ELF1: variants seen among roughly 807,000 people sequenced by gnomAD.
The protein encoded by ELF1 is E74 like ETS transcription factor 1.
In ELF1, 24 loss-of-function variants were observed where a neutral mutation model predicts 59.9. The observed-to-expected ratio is 0.40, with a 90% CI of 0.29 to 0.56. The LOEUF (loss-of-function observed/expected upper bound fraction) is 0.56, where lower values mean the gene tolerates loss of function less well. Ranked by LOEUF, ELF1 falls within the 20% of genes least tolerant of loss-of-function variation. ELF1 has a pLI of 0.44. For synonymous variants in ELF1, 248 were observed against 266.2 expected (o/e 0.93, Z 0.67); for missense variants, 627 against 742.2 (o/e 0.84, Z 1.80).
intron 1 of ELF1, among the ~76,000 whole-genome samples, chr13:41,002,218 C>T (rs1253374039): frequency 6.6e-6 from 1 of 152,096 alleles, no homozygotes; most frequent in Admixed American, 6.5e-5. Flanking sequence ...TGACTTTGAG[C>T]CAACTGAAAT....
chr13:41,061,271 C>T (rs1465821066), exon 1 of ELF1: 1 of 297,346 alleles, frequency 3.4e-6, no homozygotes. Context: ...AGCCAGCGAG[C>T]CTAGAAGGAG....
intron 1 of ELF1, among the ~76,000 whole-genome samples, chr13:41,048,787 G>A (rs756329432): frequency 3.4e-5 from 5 of 148,386 alleles, no homozygotes; most frequent in African/African-American, 2.5e-5. Flanking sequence ...GTCACACACC[G>A]CAACCCCAAC....
intron 8 of ELF1, among the ~76,000 whole-genome samples, chr13:40,936,570 G>C (rs1389671914): frequency 6.6e-6 from 1 of 151,988 alleles, no homozygotes; most frequent in Non-Finnish European, 1.5e-5. Flanking sequence ...GGTCAACATG[G>C]TGAAACCCCA....
intron 1 of ELF1, among the ~76,000 whole-genome samples, chr13:41,051,858 A>T (rs2138435009): frequency 6.6e-6 from 1 of 152,250 alleles, no homozygotes; most frequent in African/African-American, 2.4e-5. Flanking sequence ...ATACACACAA[A>T]ATTTATAGAA....
chr13:40,972,267 G>A (rs1043256457), intron 2 of ELF1, among the ~76,000 whole-genome samples: 2 of 152,192 alleles, frequency 1.3e-5, no homozygotes, highest in African/African-American at 4.8e-5. Context: ...ATAGGTATGG[G>A]AGAAATTAGT....
chr13:41,033,951 G>T (rs142220445), intron 1 of ELF1, among the ~76,000 whole-genome samples: 66 of 152,262 alleles, frequency 4.3e-4, no homozygotes, highest in African/African-American at 1.4e-3. Flanking sequence ...GGGAAGTGAT[G>T]AATTGTTCTA....
At chr13:41,041,280 C>A (rs1487098261) in intron 1 of ELF1, among the ~76,000 whole-genome samples, 4 of 134,218 alleles carry the variant, frequency 3.0e-5, no homozygotes, top group East Asian at 4.8e-4. Flanking sequence ...AAAAAAAAAA[C>A]CTATTACACC....
chr13:40,993,521 C>T (rs10454609), intron 1 of ELF1, among the ~76,000 whole-genome samples: 27,502 of 151,954 alleles, frequency 0.18, 2,633 homozygotes, highest in African/African-American at 0.22. Context: ...CTCGTTGTTG[C>T]CCAGGCTGGA....
intron 1 of ELF1, among the ~76,000 whole-genome samples, chr13:40,987,200 T>C (rs1042537822): frequency 2.0e-5 from 3 of 148,842 alleles, no homozygotes; most frequent in Non-Finnish European, 3.0e-5. Flanking sequence ...CCTCCCAAAA[T>C]GCTGGGATTA....
intron 1 of ELF1, among the ~76,000 whole-genome samples, chr13:41,016,443 A>T (rs1875367269): frequency 6.6e-6 from 1 of 152,198 alleles, no homozygotes; most frequent in Non-Finnish European, 1.5e-5. Context: ...GGAGGAGAAG[A>T]TGTGACAAAG....
chr13:41,017,335 T>A (rs577047923), intron 1 of ELF1, among the ~76,000 whole-genome samples: 1 of 152,202 alleles, frequency 6.6e-6, no homozygotes, highest in African/African-American at 2.4e-5. Flanking sequence ...TGCGAAGCCC[T>A]GCCATTAGGT....
rs543315969 is a variant in ELF1 at position 40,938,021 on chromosome 13, T to C, written c.1256+2900A>G. ...TAGTAGAGACGGGGTTTTGCCATAT[T>C]GGCCAGGCTGGTTTCAAACTCCCGA... On this transcript the variant is annotated intron_variant, in intron 8 of 8. Transcript: ENST00000239882. Among the ~76,000 whole-genome samples the C allele has an allele frequency of 2.6e-5, 4 of 151,860 alleles. No homozygotes were observed. In the South Asian group the frequency reaches 8.3e-4, roughly 32 times the overall value.
rs552477115 is a variant in ELF1 at position 40,986,937 on chromosome 13, C to CTCTTTTTTT, written c.-228-4656_-228-4655insAAAAAAAGA. The stretch of plus-strand genomic sequence containing the variant: ...AATATATTTTTAGAAAATCATTGCT[C>CTCTTTTTTT]TTTTTTTTTTTTTTTTTTGAGTGGG... On this transcript the variant is annotated intron_variant, in intron 1 of 8. Coordinates refer to ENST00000239882, the MANE Select transcript of ELF1 (RefSeq NM_172373.4). Among the ~76,000 whole-genome samples the CTCTTTTTTT allele has an allele frequency of 1.7e-4, 21 of 126,838 alleles. 5 individuals are homozygous for CTCTTTTTTT. Among genetic ancestry groups the CTCTTTTTTT allele is most frequent in the East Asian group, 4.8e-4 (2 of 4,168 alleles). 83.2% of individuals were successfully genotyped at this position (126,838 alleles called of 152,430 possible). A position where few individuals can be genotyped will look rare whatever the true frequency, so the allele number is the denominator to read the frequency against.
At chr13:40,946,086 G>T (rs182979935) in intron 5 of ELF1, among the ~76,000 whole-genome samples, 1 of 152,094 alleles carries the variant, frequency 6.6e-6, no homozygotes, top group African/African-American at 2.4e-5. Flanking sequence ...ATGTCTGCCC[G>T]CCTCAGACTC....
At chr13:41,023,880 A>G (rs1875781344), upstream of ELF1, among the ~76,000 whole-genome samples, 1 of 152,214 alleles carries the variant, frequency 6.6e-6, no homozygotes, top group South Asian at 2.1e-4. Context: ...CTGCTCACTG[A>G]GGGGAAAAAT....
intron 1 of ELF1, among the ~76,000 whole-genome samples, chr13:40,987,098 G>A (rs1051282899): frequency 6.7e-5 from 10 of 150,310 alleles, no homozygotes; most frequent in Non-Finnish European, 1.2e-4. Flanking sequence ...ACCACGCCCG[G>A]CTAATTTTTT....
At position 41,028,979 on chromosome 13, in the gene ELF1, G is replaced by A. The variant is rs566223360; in HGVS notation, c.-229+31859C>T. Among the ~76,000 whole-genome samples, 6 of 152,146 alleles carry A rather than the reference G, an allele frequency of 3.9e-5. No individual in the cohort carries two copies. In the South Asian group the frequency reaches 6.2e-4, roughly 16 times the overall value. Reference sequence around the variant, plus strand: ...AGGCTGGTCTCAAACTCCTGACCTCGTAATCTGCCTGCCTCGGCCTCCCAA... The same window carrying A: ...AGGCTGGTCTCAAACTCCTGACCTCATAATCTGCCTGCCTCGGCCTCCCAA... On this transcript the variant is annotated intron_variant, in intron 1 of 1. Coordinates refer to the ELF1 transcript ENST00000405737.
rs552477115 is a variant in ELF1, at chr13:40,986,937, C to CTCTTTTT, written c.-228-4656_-228-4655insAAAAAGA. ...AATATATTTTTAGAAAATCATTGCT[C>CTCTTTTT]TTTTTTTTTTTTTTTTTTGAGTGGG... On this transcript the variant is annotated intron_variant, in intron 1 of 8. Transcript: ENST00000239882. Among the ~76,000 whole-genome samples the CTCTTTTT allele has an allele frequency of 2.2e-3, 284 of 126,796 alleles. 27 individuals carry two copies. The highest frequency in any genetic ancestry group is 6.2e-3 in the East Asian group (26 of 4,166). 83.2% of individuals were successfully genotyped at this position (126,796 alleles called of 152,430 possible).
chr13:40,937,319 T>C (rs1354593118), intron 8 of ELF1, among the ~76,000 whole-genome samples: 1 of 152,196 alleles, frequency 6.6e-6, no homozygotes, highest in Non-Finnish European at 1.5e-5. Context: ...CATTTAGCAT[T>C]TGTTGAGGAT....
Sources: gnomAD v4.1 joint callset for allele counts (sites outside exome capture counted in the v4.1 genomes callset) on GRCh38, gnomAD v4.1.1 for gene constraint, MANE v1.5 for transcripts, NCBI Gene and HGNC (gene_info 2026-07-23, HGNC 2026-07-21) for gene names.